Variants in SCHIP1 observed in about 807,000 individuals in gnomAD.
SCHIP1 encodes the protein schwannomin interacting protein 1.
In SCHIP1, 8 loss-of-function variants were observed where a neutral mutation model predicts 29.7. That is an observed-to-expected ratio of 0.27 (90% confidence interval 0.16 to 0.49). The LOEUF (loss-of-function observed/expected upper bound fraction) is 0.49. Ranked by LOEUF, SCHIP1 falls within the 20% of genes least tolerant of loss-of-function variation. The pLI is 0.99. For missense variants in SCHIP1, 193 were observed against 294.6 expected (o/e 0.66, Z 2.52); for synonymous variants, 76 against 94.9 (o/e 0.80, Z 1.16).
the SCHIP1 span, among the ~76,000 whole-genome samples, chr3:159,792,908 A>T: frequency 2.6e-5 from 4 of 152,180 alleles, no homozygotes; most frequent in African/African-American, 9.7e-5. Flanking sequence ...TTTTTAACTG[A>T]ATCAGGAATT....
intron 1 of SCHIP1, chr3:159,840,282 G>GC (rs1744107803): frequency 7.3e-7 from 1 of 1,361,032 alleles, no homozygotes. Flanking sequence ...TTCCAAAGCA[G>GC]CAGGTTGCCT....
At chr3:159,469,344 C>T in the SCHIP1 span, among the ~76,000 whole-genome samples, 8 of 152,128 alleles carry the variant, frequency 5.3e-5, no homozygotes, top group East Asian at 1.2e-3. Context: ...GTGCTGACAC[C>T]GCCAAGCTAA....
the SCHIP1 span, among the ~76,000 whole-genome samples, chr3:159,756,217 A>G: frequency 6.6e-6 from 1 of 152,184 alleles, no homozygotes; most frequent in Non-Finnish European, 1.5e-5. Flanking sequence ...CTTGCAGCAA[A>G]CTTCTGCCTG....
At chr3:159,884,514 T>C (rs555845241) in intron 2 of SCHIP1, among the ~76,000 whole-genome samples, 4 of 152,120 alleles carry the variant, frequency 2.6e-5, no homozygotes, top group Non-Finnish European at 5.9e-5. Flanking sequence ...TCAGGGATTA[T>C]TGTGACAGGA....
At chr3:159,634,145 G>T in the SCHIP1 span, among the ~76,000 whole-genome samples, 11 of 152,094 alleles carry the variant, frequency 7.2e-5, no homozygotes, top group Non-Finnish European at 1.5e-4. Context: ...AAAATAAAGA[G>T]ATTATGTTTA....
the SCHIP1 span, among the ~76,000 whole-genome samples, chr3:159,356,685 G>A: frequency 6.6e-6 from 1 of 152,218 alleles, no homozygotes; most frequent in Non-Finnish European, 1.5e-5. Flanking sequence ...GCCAGGGTCT[G>A]AAAGAGTTAA....
the SCHIP1 span, among the ~76,000 whole-genome samples, chr3:159,282,240 C>A: frequency 6.6e-6 from 1 of 151,882 alleles, no homozygotes; most frequent in African/African-American, 2.4e-5. Flanking sequence ...AACTGTTGTG[C>A]TAGTTCTGTT....
the SCHIP1 span, chr3:159,768,175 G>T: frequency 2.6e-5 from 4 of 152,050 alleles, no homozygotes; most frequent in Non-Finnish European, 5.9e-5. Flanking sequence ...AAAATAATTT[G>T]AAATAAAAGG....
At chr3:159,632,293 C>T in the SCHIP1 span, among the ~76,000 whole-genome samples, 216 of 152,262 alleles carry the variant, frequency 1.4e-3, no homozygotes, top group African/African-American at 4.9e-3. Context: ...CGTCTACAGG[C>T]GCCAACTTCA....
the SCHIP1 span, among the ~76,000 whole-genome samples, chr3:159,702,809 T>C: frequency 1.1e-3 from 169 of 152,366 alleles, no homozygotes; most frequent in Non-Finnish European, 1.9e-3. Context: ...ATACAAGGTT[T>C]GTACATTTCA....
chr3:159,441,526 G>A, the SCHIP1 span, among the ~76,000 whole-genome samples: 1 of 151,908 alleles, frequency 6.6e-6, no homozygotes, highest in African/African-American at 2.4e-5. Flanking sequence ...TAGAGAGCTG[G>A]GATTTGAAGC....
At chr3:159,460,862 C>T in the SCHIP1 span, among the ~76,000 whole-genome samples, 2 of 152,034 alleles carry the variant, frequency 1.3e-5, no homozygotes, top group Non-Finnish European at 2.9e-5. Context: ...TTCATGCACC[C>T]TAGTTTGAAG....
At chr3:159,626,247 TCTATATAG>T in the SCHIP1 span, among the ~76,000 whole-genome samples, 3,220 of 110,522 alleles carry the variant, frequency 0.029, 119 homozygotes, top group African/African-American at 0.066. Context: ...TATCTATCTA[TCTATATAG>T]ATAGATAGAT....
Position 159,844,012 on chromosome 3 carries a change from C to T in SCHIP1, c.30+3798C>T, listed in dbSNP as rs375147737. On this transcript the variant is annotated intron_variant, in intron 1 of 6. Transcript: ENST00000445224. ...CTCATCTGTGAAATGGAGACTTTCCCAGTTAACTTCCTGGCATAAGAGTTG... is the reference window on the plus strand; with the variant it reads ...CTCATCTGTGAAATGGAGACTTTCCTAGTTAACTTCCTGGCATAAGAGTTG... 2.6e-5 allele frequency among the ~76,000 whole-genome samples: 4 copies of T among 152,186 alleles called. No homozygotes were observed. The East Asian group carries it at 5.8e-4, about 22-fold the overall frequency.
the SCHIP1 span, among the ~76,000 whole-genome samples, chr3:159,540,646 G>A: frequency 6.6e-6 from 1 of 152,014 alleles, no homozygotes; most frequent in Non-Finnish European, 1.5e-5. Context: ...TTAGTTCCTG[G>A]CAACATGACC....
the SCHIP1 span, among the ~76,000 whole-genome samples, chr3:159,447,936 C>T: frequency 3.0e-4 from 46 of 152,230 alleles, no homozygotes; most frequent in African/African-American, 1.0e-3. Flanking sequence ...TTAAGGGATG[C>T]AGAGTCTCAT....
the SCHIP1 span, among the ~76,000 whole-genome samples, chr3:159,732,031 G>A: frequency 1.3e-5 from 2 of 152,082 alleles, no homozygotes; most frequent in South Asian, 4.1e-4. Flanking sequence ...TAGAGACTGG[G>A]TACTGGGTTT....
At chr3:159,463,210 T>A in the SCHIP1 span, among the ~76,000 whole-genome samples, 1 of 152,088 alleles carries the variant, frequency 6.6e-6, no homozygotes, top group Non-Finnish European at 1.5e-5. Flanking sequence ...TAGAATATTG[T>A]CAATTCAAAC....
the SCHIP1 span, among the ~76,000 whole-genome samples, chr3:159,529,617 T>C: frequency 6.6e-6 from 1 of 152,204 alleles, no homozygotes; most frequent in African/African-American, 2.4e-5. Flanking sequence ...ATTGGGAACA[T>C]TCCACATCTT....
Sources: allele counts gnomAD v4.1 joint callset (sites outside exome capture counted in the v4.1 genomes callset), GRCh38; gene constraint gnomAD v4.1.1; transcripts MANE v1.5; gene names NCBI Gene and HGNC (gene_info 2026-07-23, HGNC 2026-07-21).